The following DIP2C variants were observed in gnomAD, a reference collection of about 807,000 sequenced individuals.
DIP2C encodes the protein DIP2 acetate--CoA ligase C (putative).
In DIP2C, 33 loss-of-function variants were observed where a neutral mutation model predicts 192.4. The observed-to-expected ratio is 0.17, with a 90% CI of 0.13 to 0.23. The LOEUF (loss-of-function observed/expected upper bound fraction) is 0.23. DIP2C is among the 10% of genes least tolerant of loss of function. The probability of loss-of-function intolerance (pLI) is 1.00; values close to 1 mark genes in which losing one functional copy is unlikely to be tolerated. For missense variants in DIP2C, 1,537 were observed against 2,110.1 expected (o/e 0.73, Z 5.32); for synonymous variants, 979 against 864.1 (o/e 1.13, Z -2.33).
rs1226384670 is a variant in DIP2C, at chr10:288,431, G to A, written c.3987-10C>T. 2.5e-6 allele frequency: 4 copies of A among 1,613,690 alleles called. No individual in the cohort carries two copies. The African/African-American group carries it at 4.0e-5, about 16-fold the overall frequency. On this transcript the variant is annotated splice_polypyrimidine_tract_variant and intron_variant, in intron 32 of 36. Transcript: ENST00000280886. ...TTCCACTAAGCGGACTCTGCAAACA[G>A]AAAGAGAAAATATTCCTAGATGTGT...
intron 1 of DIP2C, among the ~76,000 whole-genome samples, chr10:649,340 A>G (rs985781760): frequency 6.6e-6 from 1 of 152,006 alleles, no homozygotes; most frequent in Non-Finnish European, 1.5e-5. Context: ...ATGGTGGGAG[A>G]GAACAGGGAA....
chr10:314,537 C>G (rs534612315), intron 31 of DIP2C, among the ~76,000 whole-genome samples: 2 of 152,308 alleles, frequency 1.3e-5, no homozygotes, highest in South Asian at 2.1e-4. Flanking sequence ...TGTGCTGCAC[C>G]GGATCACCCA....
intron 24 of DIP2C, among the ~76,000 whole-genome samples, chr10:355,068 G>T (rs966788912): frequency 3.3e-5 from 5 of 152,082 alleles, no homozygotes; most frequent in Non-Finnish European, 7.4e-5. Flanking sequence ...CAGATACAGG[G>T]ACCCACAGCA....
At chr10:471,466 T>G (rs1970626112) in intron 3 of DIP2C, among the ~76,000 whole-genome samples, 1 of 152,134 alleles carries the variant, frequency 6.6e-6, no homozygotes, top group Admixed American at 6.5e-5. Context: ...AGTTCCGTCA[T>G]CCCTTAGCCT....
At chr10:471,640 C>A (rs1232345658) in intron 3 of DIP2C, among the ~76,000 whole-genome samples, 3 of 152,146 alleles carry the variant, frequency 2.0e-5, no homozygotes, top group Non-Finnish European at 4.4e-5. Flanking sequence ...CTCACCGGTG[C>A]CCTGGGAACT....
intron 17 of DIP2C, among the ~76,000 whole-genome samples, chr10:373,446 A>C (rs971516866): frequency 2.0e-5 from 3 of 152,212 alleles, no homozygotes; most frequent in Non-Finnish European, 4.4e-5. Context: ...AGCAGAATCA[A>C]GATGATGCTT....
intron 1 of DIP2C, among the ~76,000 whole-genome samples, chr10:672,240 T>C (rs1443974021): frequency 1.4e-5 from 2 of 139,832 alleles, no homozygotes; most frequent in Non-Finnish European, 3.1e-5. Flanking sequence ...ACACCACAGA[T>C]GCACGGATGG....
At chr10:650,546 C>A in intron 1 of DIP2C, 1 of 651,696 alleles carries the variant, frequency 1.5e-6, no homozygotes, top group Admixed American at 2.3e-5. Flanking sequence ...CAGCCGTGTC[C>A]CTGAGAATGG....
At chr10:616,766 G>GT (rs1484545232) in intron 1 of DIP2C, among the ~76,000 whole-genome samples, 1 of 152,214 alleles carries the variant, frequency 6.6e-6, no homozygotes, top group African/African-American at 2.4e-5. Flanking sequence ...AGCATAGAGA[G>GT]TCTAATGGGG....
intron 1 of DIP2C, among the ~76,000 whole-genome samples, chr10:635,682 C>T (rs539074760): frequency 6.6e-6 from 1 of 152,222 alleles, no homozygotes; most frequent in Non-Finnish European, 1.5e-5. Flanking sequence ...CAGGAGCCAG[C>T]ATCCTGAGCC....
At chr10:285,012 G>A (rs1039062641) in intron 34 of DIP2C, among the ~76,000 whole-genome samples, 60 of 152,290 alleles carry the variant, frequency 3.9e-4, no homozygotes, top group African/African-American at 1.4e-3. Context: ...CACCCTCCAG[G>A]TGCCGGAGAA....
chr10:581,101 G>A lies in DIP2C; in HGVS notation c.86-94571C>T, dbSNP rs80181946. 8.4e-4 allele frequency among the ~76,000 whole-genome samples: 128 copies of A among 152,250 alleles called. 4 individuals are homozygous for A. In the East Asian group the frequency reaches 0.02, roughly 23 times the overall value. On this transcript the variant is annotated intron_variant, in intron 1 of 36. Transcript: ENST00000280886. ...CTTCAGGGTCAGCTTTTCTAGGAGC[G>A]ATGTCTGGCAGAATGCAATCCAACA... is the stretch of plus-strand genomic sequence containing the variant.
At chr10:338,145 T>C (rs1267415218) in intron 29 of DIP2C, among the ~76,000 whole-genome samples, 1 of 152,236 alleles carries the variant, frequency 6.6e-6, no homozygotes, top group African/African-American at 2.4e-5. Context: ...AATGTGTTTG[T>C]GTTATAAGCT....
At chr10:538,275 C>T (rs1279178568) in intron 1 of DIP2C, among the ~76,000 whole-genome samples, 1 of 152,124 alleles carries the variant, frequency 6.6e-6, no homozygotes, top group African/African-American at 2.4e-5. Context: ...TTCCACCTCC[C>T]ACTCCCAAGT....
At chr10:470,875 C>A (rs756191821) in intron 3 of DIP2C, among the ~76,000 whole-genome samples, 1 of 152,178 alleles carries the variant, frequency 6.6e-6, no homozygotes, top group Non-Finnish European at 1.5e-5. Context: ...TCTGTGAGAA[C>A]TGAAGCCATG....
intron 29 of DIP2C, 69 bp downstream of exon 29, chr10:341,130 C>CT (rs1345100952): frequency 8.2e-5 from 131 of 1,604,282 alleles, no homozygotes; most frequent in Admixed American, 1.8e-4. Flanking sequence ...GGTTGCCTGG[C>CT]TGGGTCTAAG....
chr10:413,830 G>A (rs1365681391), intron 8 of DIP2C, 83 bp downstream of exon 8: 7 of 1,516,914 alleles, frequency 4.6e-6, no homozygotes, highest in South Asian at 1.3e-5. Context: ...AAGTGAGGAT[G>A]TAAACGGACA....
At chr10:314,863 T>A (rs2132349114) in intron 31 of DIP2C, among the ~76,000 whole-genome samples, 2 of 152,288 alleles carry the variant, frequency 1.3e-5, no homozygotes, top group Admixed American at 1.3e-4. Context: ...TACTACTGCA[T>A]TAGGGATTAT....
chr10:639,199 C>G (rs1268423950), intron 1 of DIP2C, among the ~76,000 whole-genome samples: 1 of 10,540 alleles, frequency 9.5e-5, no homozygotes, highest in African/African-American at 2.8e-4. Context: ...ACGCGTCAGG[C>G]CATCAGGGTG....
Sources: gnomAD v4.1 joint callset for allele counts (sites outside exome capture counted in the v4.1 genomes callset) on GRCh38, gnomAD v4.1.1 for gene constraint, MANE v1.5 for transcripts, NCBI Gene and HGNC (gene_info 2026-07-23, HGNC 2026-07-21) for gene names.